CYFIP1: variants seen among roughly 807,000 people sequenced by gnomAD.
CYFIP1 encodes the protein cytoplasmic FMR1-interacting protein 1.
Under a neutral mutation model 163.5 loss-of-function variants are expected in CYFIP1, and 58 were observed. The observed-to-expected ratio is 0.35, with a 90% CI of 0.29 to 0.44. The LOEUF (loss-of-function observed/expected upper bound fraction) is 0.44. Among genes scored for constraint, CYFIP1 ranks in the 20% least tolerant of loss-of-function variants. CYFIP1 has a pLI of 1.00. For missense variants in CYFIP1, 1,338 were observed against 1,653.8 expected, an observed-to-expected ratio of 0.81 and a Z score of 3.31; for synonymous variants, 663 against 660.7, an observed-to-expected ratio of 1.00 and a Z score of -0.05.
At chr15:22,933,378 G>T (rs1256136986) in intron 10 of CYFIP1, among the ~76,000 whole-genome samples, 3 of 150,648 alleles carry the variant, frequency 2.0e-5, no homozygotes, top group East Asian at 3.9e-4. Context: ...GCAGTGGCGC[G>T]ATCTCTGCTC....
At chr15:22,900,247 G>A (rs577955353) in intron 22 of CYFIP1, among the ~76,000 whole-genome samples, 7 of 152,172 alleles carry the variant, frequency 4.6e-5, no homozygotes, top group African/African-American at 1.7e-4. Context: ...AGAGGAGACT[G>A]GAGTGATGCC....
intron 21 of CYFIP1, 74 bp downstream of exon 21, chr15:22,909,120 T>C: frequency 1.9e-6 from 3 of 1,586,694 alleles, no homozygotes; most frequent in Non-Finnish European, 2.6e-6. Flanking sequence ...TGAGTGCATC[T>C]CTTTTATCAT....
chr15:22,902,038 T>C (rs2060409824), intron 22 of CYFIP1, among the ~76,000 whole-genome samples: 2 of 152,222 alleles, frequency 1.3e-5, no homozygotes, highest in African/African-American at 4.8e-5. Context: ...CTGAGGTCAC[T>C]GCATGCTGAC....
chr15:22,895,781 G>A (rs2060218809), intron 22 of CYFIP1, among the ~76,000 whole-genome samples: 1 of 152,160 alleles, frequency 6.6e-6, no homozygotes, highest in African/African-American at 2.4e-5. Context: ...TCAGTCAACT[G>A]TGCCCATGCA....
intron 8 of CYFIP1, among the ~76,000 whole-genome samples, chr15:22,938,271 G>C (rs750316779): frequency 6.6e-6 from 1 of 152,226 alleles, no homozygotes; most frequent in African/African-American, 2.4e-5. Flanking sequence ...CAAAGTCCTA[G>C]GAATCACATG....
chr15:22,882,653 A>G (rs971711597), intron 24 of CYFIP1, among the ~76,000 whole-genome samples: 2 of 152,198 alleles, frequency 1.3e-5, no homozygotes, highest in African/African-American at 4.8e-5. Context: ...CATACAAATA[A>G]AAACTCTGCG....
At chr15:22,912,121 A>C in intron 18 of CYFIP1, 58 bp downstream of exon 18, 1 of 1,455,398 alleles carries the variant, frequency 6.9e-7, no homozygotes. Context: ...AGAAAACAAA[A>C]AGAGAAAGGA....
chr15:22,979,906 C>G (rs2063414762), intron 1 of CYFIP1, among the ~76,000 whole-genome samples: 1 of 152,194 alleles, frequency 6.6e-6, no homozygotes, highest in South Asian at 2.1e-4. Flanking sequence ...ACGTCAAACA[C>G]TAAGGTATTC....
chr15:22,881,784 A>G, intron 25 of CYFIP1, 62 bp downstream of exon 25: 1 of 1,495,726 alleles, frequency 6.7e-7, no homozygotes, highest in Non-Finnish European at 9.2e-7. Context: ...AGAATTTCTG[A>G]CTTGAATTCC....
At chr15:22,871,858 C>G (rs2059441490) in intron 30 of CYFIP1, among the ~76,000 whole-genome samples, 1 of 152,166 alleles carries the variant, frequency 6.6e-6, no homozygotes, top group East Asian at 1.9e-4. Flanking sequence ...CCCAGCACCT[C>G]AGACACTGGC....
At chr15:22,946,534 G>A (rs1313976562) in intron 3 of CYFIP1, among the ~76,000 whole-genome samples, 2 of 152,122 alleles carry the variant, frequency 1.3e-5, no homozygotes, top group Admixed American at 6.5e-5. Context: ...CCAGCTACTC[G>A]GGAGGCTGAG....
In CYFIP1 at chr15:22,867,247, A is replaced by AGAG. The variant is rs548133791; in HGVS notation, c.*2778_*2780dup. 2.5e-6 allele frequency: 1 copy of AGAG among 404,318 alleles called. No homozygotes were observed. The highest frequency in any genetic ancestry group is 4.4e-6 in the Non-Finnish European group (1 of 229,814). 25.0% of individuals were successfully genotyped at this position (404,318 alleles called of 1,614,324 possible). A position where few individuals can be genotyped will look rare whatever the true frequency, so the allele number is the denominator to read the frequency against. On this transcript the variant is annotated 3_prime_UTR_variant, in exon 31 of 31. Transcript: ENST00000617928. ...TAAGGCTTTTTTATTTTAAAAAAACAGAGTTATCCCAATACATTATCCTGT... is the reference window on the plus strand; with the variant it reads ...TAAGGCTTTTTTATTTTAAAAAAACAGAGGAGTTATCCCAATACATTATCCTGT...
At chr15:22,883,173 A>T (rs1595508619) in intron 23 of CYFIP1, among the ~76,000 whole-genome samples, 162 bp from the exon 24 acceptor site, 1 of 152,276 alleles carries the variant, frequency 6.6e-6, no homozygotes, top group East Asian at 1.9e-4. Context: ...TACAAAACCT[A>T]CTTAGCCTGC....
rs1167729248 is a variant in CYFIP1 at position 22,933,801 on chromosome 15, C to A, written c.992+1G>T. 1 of 1,611,548 alleles carries A rather than the reference C, an allele frequency of 6.2e-7. No homozygotes were observed. The highest frequency in any genetic ancestry group is 8.5e-7 in the Non-Finnish European group (1 of 1,178,648). On this transcript the variant is annotated splice_donor_variant, in intron 10 of 30. Transcript: ENST00000617928. LOFTEE classifies it high-confidence loss of function. ...ACCAGGCAGCTTTCCTCTCCTCCTA[C>A]CGAGATTTATTTTCCTCGTAGTGGG...
In CYFIP1 at chr15:22,918,780, C is replaced by T. The variant is rs760215233; in HGVS notation, c.1438G>A (p.Val480Ile). 3.8e-5 allele frequency: 61 copies of T among 1,613,292 alleles called. No individual in the cohort carries two copies. Among genetic ancestry groups the T allele is most frequent in the Middle Eastern group, 3.3e-4 (2 of 6,082 alleles). ...GAGAAGTCCTGCAGTGCGGCATAGA[C>T]GGTGTGCCGGATGGCGTGGTTGAAC... is the stretch of plus-strand genomic sequence containing the variant. ...SVFNHAIRHT[V>I]YAALQDFSQV... is the part of the protein sequence containing the mutation. Residue 480 changes from valine to isoleucine, a missense_variant, in exon 14 of 31, where the codon GTC (valine) becomes ATC (isoleucine). Coordinates refer to ENST00000617928, the MANE Select transcript of CYFIP1 (RefSeq NM_014608.6).
At chr15:22,884,303 C>A (rs2059870651) in intron 23 of CYFIP1, among the ~76,000 whole-genome samples, 1 of 152,184 alleles carries the variant, frequency 6.6e-6, no homozygotes. Flanking sequence ...TAATAAAAAA[C>A]AAGTTAGTTA....
intron 23 of CYFIP1, 91 bp downstream of exon 23, chr15:22,892,799 T>C: frequency 1.1e-6 from 1 of 885,408 alleles, no homozygotes; most frequent in Non-Finnish European, 1.9e-6. Context: ...GTGATACATT[T>C]AGGTCACTGC....
intron 1 of CYFIP1, among the ~76,000 whole-genome samples, chr15:22,979,907 T>C (rs1443528484): frequency 6.6e-6 from 1 of 152,076 alleles, no homozygotes; most frequent in East Asian, 1.9e-4. Context: ...CGTCAAACAC[T>C]AAGGTATTCC....
At chr15:22,936,427 A>G (rs906277967) in intron 9 of CYFIP1, among the ~76,000 whole-genome samples, 5 of 152,192 alleles carry the variant, frequency 3.3e-5, no homozygotes, top group African/African-American at 1.2e-4. Context: ...ACTAGCCAAT[A>G]CAATGAAACA....
Sources: gnomAD v4.1 joint callset for allele counts (sites outside exome capture counted in the v4.1 genomes callset) on GRCh38, gnomAD v4.1.1 for gene constraint, MANE v1.5 for transcripts, NCBI Gene and HGNC (gene_info 2026-07-23, HGNC 2026-07-21) for gene names.